The following R3HCC1L variants were observed in gnomAD, a reference collection of about 807,000 sequenced individuals.
The protein encoded by R3HCC1L is R3H domain and coiled-coil containing 1 like, also known as coiled-coil domain-containing protein R3HCC1L.
A neutral mutation model predicts 59.9 loss-of-function variants in R3HCC1L; 51 were observed. The ratio of observed to expected loss-of-function variants is 0.85; its 90% CI spans 0.68 to 1.07. The LOEUF (loss-of-function observed/expected upper bound fraction) is 1.07, where lower values mean the gene tolerates loss of function less well. Among genes scored for constraint, R3HCC1L ranks in the 50% least tolerant of loss-of-function variants. R3HCC1L has a pLI of 0.00. For missense variants in R3HCC1L, 965 were observed against 933.0 expected (o/e 1.03, Z -0.45); for synonymous variants, 322 against 315.2 (o/e 1.02, Z -0.23).
At chr10:98,207,971 G>C in intron 4 of R3HCC1L, 130 bp from the exon 5 acceptor site, 3 of 837,902 alleles carry the variant, frequency 3.6e-6, no homozygotes, top group Non-Finnish European at 5.4e-6. Context: ...GTTACAGTGA[G>C]CTGAGATCGC....
At chr10:98,148,053 T>G (rs577140720) in intron 1 of R3HCC1L, among the ~76,000 whole-genome samples, 1 of 152,314 alleles carries the variant, frequency 6.6e-6, no homozygotes, top group South Asian at 2.1e-4. Context: ...TGGAATATCT[T>G]TCCATTTTTT....
rs532651941 is a variant in R3HCC1L, at chr10:98,228,538, G to C, written c.1786-2974G>C. Among the ~76,000 whole-genome samples the C allele has an allele frequency of 3.9e-5, 6 of 152,266 alleles. No homozygotes were observed. The South Asian group carries it at 1.0e-3, about 26-fold the overall frequency. ...TTTTCTCCCATTCTGTAGGTTGCCT[G>C]TTCACTCTGATGGTAGTTTCTTTTG... On this transcript the variant is annotated intron_variant, in intron 5 of 9. Transcript: ENST00000298999.
rs369757964 is a variant in R3HCC1L at position 98,161,638 on chromosome 10, T to C, written c.-212-1245T>C. ...TTTAGTTGTTAATTTGGATCCTTGA[T>C]CCATTTGGAGGTACGGTTTCTTTAA... On this transcript the variant is annotated intron_variant, in intron 2 of 9. Transcript: ENST00000298999. Among the ~76,000 whole-genome samples the C allele has an allele frequency of 1.8e-4, 28 of 152,254 alleles. No homozygotes were observed. The East Asian group carries it at 5.4e-3, about 29-fold the overall frequency.
chr10:98,186,547 C>T, intron 4 of R3HCC1L: 1 of 971,024 alleles, frequency 1.0e-6, no homozygotes, highest in Non-Finnish European at 1.2e-6. Context: ...TCTTCTGAGA[C>T]TCCAGAGTCA....
intron 4 of R3HCC1L, among the ~76,000 whole-genome samples, chr10:98,179,508 A>G (rs1346695588): frequency 2.0e-5 from 3 of 152,048 alleles, no homozygotes; most frequent in Non-Finnish European, 4.4e-5. Flanking sequence ...CATCAGGGAT[A>G]TTGGTCTAAA....
At chr10:98,165,133 C>T (rs1204889175) in intron 4 of R3HCC1L, among the ~76,000 whole-genome samples, 6 of 152,148 alleles carry the variant, frequency 3.9e-5, no homozygotes, top group African/African-American at 1.4e-4. Flanking sequence ...TGGTGGTGTA[C>T]GCCTGTAATC....
intron 1 of R3HCC1L, 97 bp from the exon 2 acceptor site, chr10:98,155,984 GATAGTGTCTTAA>G (rs377246828): frequency 4.0e-4 from 61 of 151,620 alleles, no homozygotes; most frequent in African/African-American, 1.3e-3. Context: ...TTTATTTGCT[GATAGTGTCTTAA>G]ATAGCCCCTC....
In R3HCC1L at chr10:98,243,856, T is replaced by G. The variant is rs573729498; in HGVS notation, c.2270-235T>G. 2.6e-5 allele frequency among the ~76,000 whole-genome samples: 4 copies of G among 152,372 alleles called. No individual in the cohort carries two copies. In the South Asian group the frequency reaches 8.3e-4, roughly 32 times the overall value. On this transcript the variant is annotated intron_variant, in intron 9 of 9. Transcript: ENST00000298999. ...TAGATTCTGACTTATTCCATATACT[T>G]CTATTAGCCTCAGATATTTTTTATT...
At chr10:98,214,374 G>A (rs1853927433) in intron 5 of R3HCC1L, among the ~76,000 whole-genome samples, 1 of 152,014 alleles carries the variant, frequency 6.6e-6, no homozygotes. Flanking sequence ...ATTTGTCAGG[G>A]TATATATATA....
chr10:98,208,518 C>T lies in R3HCC1L; in HGVS notation c.404C>T (p.Pro135Leu), dbSNP rs1564695702. The T allele has an allele frequency of 1.2e-6, 2 of 1,614,084 alleles. No homozygotes were observed. The highest frequency in any genetic ancestry group is 1.7e-5 in the Admixed American group (1 of 60,008). ...AATGCTGGGGTTATAACTAATGCACCTTTGCAGAGACATTTTAAACCAAAG... is the reference window on the plus strand; with the variant it reads ...AATGCTGGGGTTATAACTAATGCACTTTTGCAGAGACATTTTAAACCAAAG... Reference protein sequence around the residue: ...APNAGVITNAPLQRHFKPKKV... With the variant: ...APNAGVITNALLQRHFKPKKV... Residue 135 changes from proline to leucine, a missense_variant, in exon 5 of 10, where the codon CCT becomes CTT. By Grantham distance (98) the Pro-to-Leu change is moderately conservative. Coordinates refer to ENST00000298999, the MANE Select transcript of R3HCC1L (RefSeq NM_001351015.2).
At chr10:98,178,495 T>C (rs1849278357) in intron 4 of R3HCC1L, among the ~76,000 whole-genome samples, 2 of 152,192 alleles carry the variant, frequency 1.3e-5, no homozygotes, top group Admixed American at 6.5e-5. Context: ...AGTCAGGTAG[T>C]GTGATGCCTC....
At chr10:98,206,636 C>T (rs575684118) in intron 4 of R3HCC1L, among the ~76,000 whole-genome samples, 1 of 152,184 alleles carries the variant, frequency 6.6e-6, no homozygotes, top group South Asian at 2.1e-4. Flanking sequence ...TTTTGTGAGT[C>T]CACTTATCAG....
chr10:98,194,906 G>C (rs1851258775), intron 4 of R3HCC1L, among the ~76,000 whole-genome samples: 1 of 152,074 alleles, frequency 6.6e-6, no homozygotes, highest in Admixed American at 6.6e-5. Context: ...GAAAACATAT[G>C]GAAATTCTTC....
chr10:98,174,834 A>T lies in R3HCC1L; in HGVS notation c.-15+11437A>T, dbSNP rs945850873. On this transcript the variant is annotated intron_variant, in intron 4 of 9. Coordinates refer to ENST00000298999, the MANE Select transcript of R3HCC1L (RefSeq NM_001351015.2). The stretch of plus-strand genomic sequence containing the variant: ...TTTTGAGTGAGAAAGTCTAGAAAAA[A>T]ATGTATTTTAGAAAAAATTCTTACA... The T allele has an allele frequency of 1.6e-5, 15 of 923,408 alleles. No homozygotes were observed. The African/African-American group carries it at 2.7e-4, about 17-fold the overall frequency. The allele number at this position is 923,408 out of a possible 1,614,324, so 57.2% of individuals were successfully genotyped here.
At chr10:98,241,171 T>C (rs1035902351) in intron 9 of R3HCC1L, among the ~76,000 whole-genome samples, 1 of 152,192 alleles carries the variant, frequency 6.6e-6, no homozygotes, top group East Asian at 1.9e-4. Flanking sequence ...TCCGTCACTC[T>C]AAAAGAAGGG....
In R3HCC1L at chr10:98,174,574, CAAT is replaced by C. The variant is rs1354617137; in HGVS notation, c.-15+11178_-15+11180del. On this transcript the variant is annotated intron_variant, in intron 4 of 9. Transcript: ENST00000298999. ...GTATATAATGAGAGTGATATAACAA[CAAT>C]GAGATGTCTCAGTTTAAACACAACT... 2.2e-5 allele frequency: 21 copies of C among 972,224 alleles called. No individual in the cohort carries two copies. The African/African-American group carries it at 2.3e-4, about 11-fold the overall frequency. 60.2% of individuals were successfully genotyped at this position (972,224 alleles called of 1,614,324 possible).
intron 4 of R3HCC1L, among the ~76,000 whole-genome samples, chr10:98,178,547 GC>G (rs1849286338): frequency 6.6e-6 from 1 of 152,150 alleles, no homozygotes; most frequent in Admixed American, 6.5e-5. Context: ...GGCAATGCGG[GC>G]TCTTTTTTGG....
rs1027086469 is a variant in R3HCC1L at position 98,209,726 on chromosome 10, A to T, written c.1612A>T (p.Ser538Cys). The part of the protein sequence containing the change: ...FKTEEQDDSG[S>C]IEFGVSFPDR... ...AACAGAAGAGCAAGATGACTCAGGG[A>T]GTATAGAATTTGGTGTATCTTTTCC... The change falls in exon 5 of 10, where the codon AGT becomes TGT. Residue 538 changes from serine (S) to cysteine (C), a missense_variant. Physicochemically the swap from Ser to Cys is moderately radical, Grantham distance 112 (BLOSUM62 -1). Coordinates refer to ENST00000298999, the MANE Select transcript of R3HCC1L (RefSeq NM_001351015.2). 6.2e-6 allele frequency: 10 copies of T among 1,613,856 alleles called. No individual in the cohort carries two copies. The highest frequency in any genetic ancestry group is 1.7e-5 in the Admixed American group (1 of 59,994).
chr10:98,159,185 A>G (rs1412602998), intron 2 of R3HCC1L, among the ~76,000 whole-genome samples: 1 of 152,174 alleles, frequency 6.6e-6, no homozygotes, highest in East Asian at 1.9e-4. Flanking sequence ...ATGTTTTCTC[A>G]TGGTTTAATT....
Sources: allele counts gnomAD v4.1 joint callset (sites outside exome capture counted in the v4.1 genomes callset), GRCh38; gene constraint gnomAD v4.1.1; transcripts MANE v1.5; gene names NCBI Gene and HGNC (gene_info 2026-07-23, HGNC 2026-07-21).